The following SLC1A1 variants were observed in gnomAD, a reference collection of about 807,000 sequenced individuals.
The protein encoded by SLC1A1 is excitatory amino acid transporter 3.
In SLC1A1, 43 loss-of-function variants were observed where a neutral mutation model predicts 53.3. The observed-to-expected ratio is 0.81, with a 90% confidence interval of 0.63 to 1.04. The LOEUF (loss-of-function observed/expected upper bound fraction) is 1.04, where lower values mean the gene tolerates loss of function less well. Among genes scored for constraint, SLC1A1 ranks in the 50% least tolerant of loss-of-function variants. The pLI is 0.00. For synonymous variants in SLC1A1, 307 were observed against 243.2 expected (o/e 1.26, Z -2.44); for missense variants, 748 against 664.9 (o/e 1.12, Z -1.37).
intron 2 of SLC1A1, among the ~76,000 whole-genome samples, chr9:4,552,187 C>T (rs1385900812): frequency 6.6e-6 from 1 of 152,156 alleles, no homozygotes; most frequent in African/African-American, 2.4e-5. Flanking sequence ...ACCATTCGTT[C>T]ATTTATTTAT....
chr9:4,498,669 A>C (rs1820525416), intron 1 of SLC1A1, among the ~76,000 whole-genome samples: 1 of 151,730 alleles, frequency 6.6e-6, no homozygotes. Context: ...ATATATATTT[A>C]ATTTGTATTA....
chr9:4,561,055 T>G (rs1818892641), intron 2 of SLC1A1, among the ~76,000 whole-genome samples: 1 of 152,110 alleles, frequency 6.6e-6, no homozygotes, highest in South Asian at 2.1e-4. Flanking sequence ...TTGAGATAAA[T>G]TTTTCCTAGA....
At chr9:4,561,346 G>A in intron 2 of SLC1A1, 103 bp from the exon 3 acceptor site, 1 of 787,280 alleles carries the variant, frequency 1.3e-6, no homozygotes, top group East Asian at 2.4e-5. Context: ...CTGTAGATGA[G>A]AACGCCTCTC....
In SLC1A1 at chr9:4,534,669, T is replaced by C. The variant is rs182921877; in HGVS notation, c.92-9898T>C. Among the ~76,000 whole-genome samples the C allele has an allele frequency of 3.6e-3, 532 of 146,364 alleles. 2 individuals carry two copies. The highest frequency in any genetic ancestry group is 0.012 in the African/African-American group (486 of 39,812). ...CTGGTACCATTCCTTCTGAAACTAT[T>C]CCAATCAATAGAAAAAGAGGGAATC... On this transcript the variant is annotated intron_variant, in intron 1 of 11. Coordinates refer to ENST00000262352, the MANE Select transcript of SLC1A1 (RefSeq NM_004170.6).
chr9:4,494,150 T>G (rs1820330102), intron 1 of SLC1A1, among the ~76,000 whole-genome samples: 1 of 152,182 alleles, frequency 6.6e-6, no homozygotes, highest in African/African-American at 2.4e-5. Flanking sequence ...AGGCTTATTC[T>G]CTGCTTCCAT....
At chr9:4,582,961 G>A (rs368160390) in intron 10 of SLC1A1, 77 bp from the exon 11 acceptor site, 4 of 1,580,760 alleles carry the variant, frequency 2.5e-6, no homozygotes. Flanking sequence ...GGACTAAGCG[G>A]GAGTAACCAT....
At chr9:4,497,902 G>A (rs1028398568) in intron 1 of SLC1A1, among the ~76,000 whole-genome samples, 1 of 152,154 alleles carries the variant, frequency 6.6e-6, no homozygotes, top group African/African-American at 2.4e-5. Flanking sequence ...GGAGAGCAAA[G>A]AAGATTCTAT....
intron 1 of SLC1A1, among the ~76,000 whole-genome samples, chr9:4,522,464 C>A (rs1475177699): frequency 6.6e-6 from 1 of 152,170 alleles, no homozygotes; most frequent in East Asian, 1.9e-4. Context: ...GTTATTCAGC[C>A]TAATGTCCGT....
chr9:4,552,636 T>G (rs1405954594), intron 2 of SLC1A1, among the ~76,000 whole-genome samples: 4 of 151,924 alleles, frequency 2.6e-5, no homozygotes, highest in African/African-American at 9.7e-5. Context: ...TGAATAAGTA[T>G]CCATCCTAGA....
chr9:4,560,940 G>A (rs1439729324), intron 2 of SLC1A1, among the ~76,000 whole-genome samples: 3 of 150,834 alleles, frequency 2.0e-5, no homozygotes, highest in Non-Finnish European at 4.4e-5. Flanking sequence ...AGGTTGTAAT[G>A]AGCCGAGATC....
At chr9:4,544,074 G>T (rs1163945487) in intron 1 of SLC1A1, among the ~76,000 whole-genome samples, 1 of 152,142 alleles carries the variant, frequency 6.6e-6, no homozygotes, top group South Asian at 2.1e-4. Flanking sequence ...TACTCGGGAG[G>T]CTGAGGTGGG....
chr9:4,576,850 C>T (rs1586848965), intron 10 of SLC1A1, 87 bp downstream of exon 10: 6 of 1,216,556 alleles, frequency 4.9e-6, no homozygotes, highest in Admixed American at 1.7e-5. Context: ...CCAAGAATGT[C>T]GCAGTGATGA....
intron 1 of SLC1A1, among the ~76,000 whole-genome samples, chr9:4,521,237 T>A (rs992831722): frequency 5.9e-5 from 9 of 152,330 alleles, no homozygotes; most frequent in Non-Finnish European, 1.0e-4. Flanking sequence ...TTCAAAAAAA[T>A]TTTTAATTTT....
At chr9:4,523,187 T>G (rs926345707) in intron 1 of SLC1A1, among the ~76,000 whole-genome samples, 2 of 152,204 alleles carry the variant, frequency 1.3e-5, no homozygotes, top group Admixed American at 6.5e-5. Flanking sequence ...TGACTCTCAT[T>G]AGATGTGAGC....
intron 1 of SLC1A1, among the ~76,000 whole-genome samples, chr9:4,528,881 G>A (rs1816365539): frequency 6.6e-6 from 1 of 151,942 alleles, no homozygotes; most frequent in Admixed American, 6.6e-5. Flanking sequence ...TCTTCATTAA[G>A]CATCTTCCCC....
chr9:4,498,258 A>G (rs1820508807), intron 1 of SLC1A1, among the ~76,000 whole-genome samples: 1 of 152,248 alleles, frequency 6.6e-6, no homozygotes, highest in Admixed American at 6.5e-5. Context: ...ACTGCTGATC[A>G]GTGACATAGG....
intron 2 of SLC1A1, chr9:4,553,854 A>C (rs1234723890): frequency 6.6e-6 from 1 of 152,234 alleles, no homozygotes; most frequent in Non-Finnish European, 1.5e-5. Context: ...TAGATGTCAT[A>C]GGTGATGCAT....
chr9:4,517,138 G>C (rs944819919), intron 1 of SLC1A1, among the ~76,000 whole-genome samples: 2 of 152,172 alleles, frequency 1.3e-5, no homozygotes, highest in African/African-American at 4.8e-5. Flanking sequence ...TTAGGCACCT[G>C]ACACGTTAAT....
chr9:4,549,043 C>T lies in SLC1A1; in HGVS notation c.232+4336C>T, dbSNP rs1185578002. 6.6e-6 allele frequency among the ~76,000 whole-genome samples: 1 copy of T among 152,158 alleles called. No individual in the cohort carries two copies. Among genetic ancestry groups the T allele is most frequent in the South Asian group, 2.1e-4 (1 of 4,828 alleles). On this transcript the variant is annotated intron_variant, in intron 2 of 11. Transcript: ENST00000262352. The surrounding 1 kb of genome is among the most constrained non-coding windows in gnomAD (Gnocchi z 4.1). ...TGGCTCTGGAAAAATCCTGGTCCAG[C>T]CAGTGAGTTTAAATTCAGGTCACAT... is the stretch of plus-strand genomic sequence containing the variant.
Sources: gnomAD v4.1 joint callset for allele counts (sites outside exome capture counted in the v4.1 genomes callset) on GRCh38, gnomAD v4.1.1 for gene constraint, Gnocchi (gnomAD v3.1) non-coding constraint, MANE v1.5 for transcripts, NCBI Gene and HGNC (gene_info 2026-07-23, HGNC 2026-07-21) for gene names.